The following NBEA variants were observed in gnomAD, a reference collection of about 807,000 sequenced individuals.
The protein encoded by NBEA is neurobeachin.
Under a neutral mutation model 343.4 loss-of-function variants are expected in NBEA, and 44 were observed. That is an observed-to-expected ratio of 0.13 (90% CI 0.10 to 0.16). NBEA has a LOEUF of 0.16. Ranked by LOEUF, NBEA falls within the 10% of genes least tolerant of loss-of-function variation. The pLI is 1.00. For missense variants in NBEA, 2,555 were observed against 3,631.3 expected (o/e 0.70, Z 7.62); for synonymous variants, 1,175 against 1,238.7 (o/e 0.95, Z 1.08).
At chr13:35,447,430 G>C (rs2046102152) in intron 39 of NBEA, among the ~76,000 whole-genome samples, 1 of 151,624 alleles carries the variant, frequency 6.6e-6, no homozygotes, top group Non-Finnish European at 1.5e-5. Flanking sequence ...TATGAAAAAG[G>C]AACTTTAGAT....
intron 1 of NBEA, among the ~76,000 whole-genome samples, chr13:35,021,875 A>C (rs557925783): frequency 6.6e-6 from 1 of 152,214 alleles, no homozygotes; most frequent in South Asian, 2.1e-4. Flanking sequence ...AAGAGATTTC[A>C]AACTGTGGAA....
intron 38 of NBEA, among the ~76,000 whole-genome samples, chr13:35,410,651 G>T (rs2043528285): frequency 6.6e-6 from 1 of 152,132 alleles, no homozygotes. Context: ...CAGCCATTTA[G>T]TCCATCCCTA....
At position 35,583,883 on chromosome 13, in the gene NBEA, T is replaced by C. The variant is rs1249775848; in HGVS notation, c.7036-15T>C. 1 of 1,597,606 alleles carries C rather than the reference T, an allele frequency of 6.3e-7. No individual in the cohort carries two copies. ...TATGACTGTATTAAACAAAATATTT[T>C]TTTTCTTTTAATAGCCAATTGGTGC... On this transcript the variant is annotated splice_polypyrimidine_tract_variant and intron_variant, in intron 45 of 58. Coordinates refer to ENST00000379939, the MANE Select transcript of NBEA (RefSeq NM_001385012.1).
At chr13:35,444,886 A>T (rs1191593496) in intron 39 of NBEA, among the ~76,000 whole-genome samples, 1 of 152,084 alleles carries the variant, frequency 6.6e-6, no homozygotes. Context: ...GTTATGGAAA[A>T]CCTACATTAC....
chr13:35,641,783 A>G (rs1262348162), intron 49 of NBEA, among the ~76,000 whole-genome samples: 1 of 152,052 alleles, frequency 6.6e-6, no homozygotes, highest in Non-Finnish European at 1.5e-5. Context: ...TTCCATTCCA[A>G]AGTCCTCTGT....
chr13:35,225,467 G>T (rs2074599405), intron 33 of NBEA, among the ~76,000 whole-genome samples: 1 of 152,106 alleles, frequency 6.6e-6, no homozygotes, highest in African/African-American at 2.4e-5. Flanking sequence ...GCAGAACTTT[G>T]TATCTTTTCT....
chr13:35,665,374 G>A (rs2085303416), intron 56 of NBEA, among the ~76,000 whole-genome samples, 188 bp downstream of exon 56: 3 of 152,122 alleles, frequency 2.0e-5, no homozygotes, highest in Non-Finnish European at 1.5e-5. Flanking sequence ...AAAATTTTAT[G>A]TAGTATTTTG....
At chr13:35,648,247 T>G (rs1437499254) in intron 51 of NBEA, among the ~76,000 whole-genome samples, 2 of 148,840 alleles carry the variant, frequency 1.3e-5, no homozygotes, top group Non-Finnish European at 3.0e-5. Flanking sequence ...TTCAGCCTCC[T>G]TGGTTAGTCA....
chr13:35,223,243 C>T (rs1008286987), intron 33 of NBEA, among the ~76,000 whole-genome samples: 1 of 152,146 alleles, frequency 6.6e-6, no homozygotes, highest in African/African-American at 2.4e-5. Flanking sequence ...TCTTTTCTAG[C>T]ACTCTTGTTT....
chr13:35,319,909 G>A (rs1416572069), intron 36 of NBEA, among the ~76,000 whole-genome samples: 1 of 147,922 alleles, frequency 6.8e-6, no homozygotes, highest in East Asian at 2.0e-4. Context: ...GACTACGATT[G>A]CAACCTCTGC....
intron 26 of NBEA, 105 bp from the exon 27 acceptor site, chr13:35,173,359 T>C (rs143222044): frequency 9.7e-7 from 1 of 1,029,648 alleles, no homozygotes. Flanking sequence ...TAATAGTTTA[T>C]GAAGCAAGGG....
At chr13:35,057,681 T>C (rs549782825) in intron 7 of NBEA, among the ~76,000 whole-genome samples, 2 of 152,256 alleles carry the variant, frequency 1.3e-5, no homozygotes, top group Admixed American at 1.3e-4. Context: ...CTCCAGAGTC[T>C]TTTTATTATA....
At chr13:35,542,702 A>G (rs9544595) in intron 41 of NBEA, among the ~76,000 whole-genome samples, 24,180 of 151,986 alleles carry the variant, frequency 0.16, 2,332 homozygotes, top group East Asian at 0.35. Flanking sequence ...ACAATTTTCC[A>G]TAATTTTAAA....
At chr13:35,407,182 C>T (rs1296489784) in intron 38 of NBEA, among the ~76,000 whole-genome samples, 1 of 151,532 alleles carries the variant, frequency 6.6e-6, no homozygotes, top group Non-Finnish European at 1.5e-5. Flanking sequence ...CCAGGCTGGT[C>T]TCGAACTCCT....
intron 26 of NBEA, among the ~76,000 whole-genome samples, chr13:35,171,703 A>G (rs1167126869): frequency 1.3e-5 from 2 of 152,058 alleles, no homozygotes; most frequent in South Asian, 4.1e-4. Context: ...AGTGAAATAT[A>G]CTTGGAATTC....
chr13:34,945,552 T>G (rs2059161540), intron 1 of NBEA, among the ~76,000 whole-genome samples: 1 of 152,134 alleles, frequency 6.6e-6, no homozygotes, highest in Non-Finnish European at 1.5e-5. Flanking sequence ...CCTTTAATAT[T>G]AAATCTAAAA....
intron 57 of NBEA, 61 bp from the exon 58 acceptor site, chr13:35,668,307 G>A: frequency 6.6e-7 from 1 of 1,506,394 alleles, no homozygotes; most frequent in Non-Finnish European, 9.0e-7. Flanking sequence ...GAGAGAAATG[G>A]TTGTTGTGTA....
At chr13:35,023,259 TATG>T (rs887413145) in intron 1 of NBEA, among the ~76,000 whole-genome samples, 1 of 152,140 alleles carries the variant, frequency 6.6e-6, no homozygotes, top group Non-Finnish European at 1.5e-5. Flanking sequence ...CCCCAGATTT[TATG>T]ATAAGAAAAA....
At chr13:35,020,350 CTTTGTATAA>C (rs1171962957) in intron 1 of NBEA, among the ~76,000 whole-genome samples, 1 of 151,990 alleles carries the variant, frequency 6.6e-6, no homozygotes, top group African/African-American at 2.4e-5. Context: ...AGATATCATA[CTTTGTATAA>C]TTTGTCCTTT....
Sources: allele counts gnomAD v4.1 joint callset (sites outside exome capture counted in the v4.1 genomes callset), GRCh38; gene constraint gnomAD v4.1.1; transcripts MANE v1.5; gene names NCBI Gene and HGNC (gene_info 2026-07-23, HGNC 2026-07-21).